The following PRORP variants were observed in gnomAD, a reference collection of about 807,000 sequenced individuals.
PRORP encodes protein only RNase P catalytic subunit.
A neutral mutation model predicts 59.4 loss-of-function variants in PRORP; 51 were observed. The observed-to-expected ratio is 0.86, with a 90% CI of 0.69 to 1.08. The LOEUF (loss-of-function observed/expected upper bound fraction) is 1.08, where lower values mean the gene tolerates loss of function less well. PRORP is among the 50% of genes least tolerant of loss of function. The probability of loss-of-function intolerance (pLI) is 0.00; values close to 1 mark genes in which losing one functional copy is unlikely to be tolerated. For synonymous variants in PRORP, 231 were observed against 245.6 expected, an observed-to-expected ratio of 0.94 and a Z score of 0.55; for missense variants, 646 against 690.3, an observed-to-expected ratio of 0.94 and a Z score of 0.72.
At chr14:35,189,361 T>C (rs1177190333) in intron 5 of PRORP, among the ~76,000 whole-genome samples, 1 of 151,840 alleles carries the variant, frequency 6.6e-6, no homozygotes, top group Non-Finnish European at 1.5e-5. Context: ...GTGTGAGCCA[T>C]GGTGCCCAGC....
At position 35,155,886 on chromosome 14, in the gene PRORP, G is replaced by A. The variant is rs866989633; in HGVS notation, c.1168-24784G>A. Among the ~76,000 whole-genome samples, 7 of 152,156 alleles carry A rather than the reference G, an allele frequency of 4.6e-5. No homozygotes were observed. The East Asian group carries it at 7.7e-4, about 17-fold the overall frequency. ...ACGTTTCTTTTTCCATTTTTGAAAC[G>A]CACAAGATAAAATTTCTTAATAGAG... On this transcript the variant is annotated intron_variant, in intron 4 of 7. Coordinates refer to ENST00000534898, the MANE Select transcript of PRORP (RefSeq NM_014672.4).
chr14:35,254,454 G>T (rs145942343), intron 5 of PRORP, among the ~76,000 whole-genome samples: 1 of 152,090 alleles, frequency 6.6e-6, no homozygotes, highest in African/African-American at 2.4e-5. Flanking sequence ...GTGCAATGAC[G>T]CAATCTCAGC....
At chr14:35,150,096 T>G in intron 4 of PRORP, among the ~76,000 whole-genome samples, 1 of 152,198 alleles carries the variant, frequency 6.6e-6, no homozygotes. Context: ...TCCGCCTGCC[T>G]CGGCCTCCCA....
At chr14:35,197,693 C>T (rs1266230333) in intron 5 of PRORP, among the ~76,000 whole-genome samples, 1 of 152,084 alleles carries the variant, frequency 6.6e-6, no homozygotes, top group Non-Finnish European at 1.5e-5. Context: ...ATTCACTCTG[C>T]CAACTCAAGT....
intron 5 of PRORP, among the ~76,000 whole-genome samples, chr14:35,218,258 G>A (rs906171087): frequency 3.8e-4 from 57 of 151,328 alleles, no homozygotes; most frequent in African/African-American, 1.4e-3. Flanking sequence ...CTAGGAGTTC[G>A]AGACCAGCCT....
intron 5 of PRORP, among the ~76,000 whole-genome samples, chr14:35,237,084 T>TTCTC (rs34987600): frequency 3.3e-4 from 45 of 138,134 alleles, no homozygotes; most frequent in Admixed American, 2.2e-3. Flanking sequence ...CCTTCCTTCC[T>TTCTC]TCTCTCTCTC....
intron 4 of PRORP, among the ~76,000 whole-genome samples, chr14:35,132,476 GA>G: frequency 6.7e-6 from 1 of 148,546 alleles, no homozygotes; most frequent in East Asian, 2.0e-4. Flanking sequence ...TAAAAAACAA[GA>G]AAAAAAAGAA....
At chr14:35,188,221 C>T (rs1487672672) in intron 5 of PRORP, among the ~76,000 whole-genome samples, 6 of 135,054 alleles carry the variant, frequency 4.4e-5, no homozygotes, top group East Asian at 4.5e-4. Flanking sequence ...GACAGAGTCT[C>T]GCTCTGTTGC....
chr14:35,153,163 G>A (rs143306409), intron 4 of PRORP, among the ~76,000 whole-genome samples: 1,967 of 152,352 alleles, frequency 0.013, 38 homozygotes, highest in African/African-American at 0.041. Context: ...CGAGGCTGGC[G>A]GATCACTCGC....
intron 4 of PRORP, among the ~76,000 whole-genome samples, chr14:35,168,470 G>A (rs1411090940): frequency 6.6e-6 from 1 of 152,032 alleles, no homozygotes; most frequent in African/African-American, 2.4e-5. Flanking sequence ...TTTGTCACTT[G>A]TCCCAATAAT....
intron 5 of PRORP, chr14:35,222,445 T>C (rs2049811544): frequency 6.6e-6 from 1 of 152,316 alleles, no homozygotes; most frequent in Non-Finnish European, 1.5e-5. Context: ...ACAATTACTT[T>C]AGGGAAGAGT....
Position 35,124,087 on chromosome 14 carries a change from C to CT in PRORP, c.845dup (p.Leu282PhefsTer6). On this transcript the variant is annotated frameshift_variant, in exon 2 of 8. Coordinates refer to ENST00000534898, the MANE Select transcript of PRORP (RefSeq NM_014672.4). LOFTEE classifies it high-confidence loss of function. Reference sequence around the variant, plus strand: ...CATGATATTGTTCCTATGTTGGAAACTTTAAAAGCTTTCTTTGATTTTGGA... The same window carrying CT: ...CATGATATTGTTCCTATGTTGGAAACTTTTAAAAGCTTTCTTTGATTTTGGA... 1 of 1,613,628 alleles carries CT rather than the reference C, an allele frequency of 6.2e-7. No homozygotes were observed. The highest frequency in any genetic ancestry group is 1.1e-5 in the South Asian group (1 of 91,020).
rs1234840874 is a variant in PRORP, at chr14:35,123,472, AGCAAGTTTATTCTGT to A, written c.228_242del (p.Lys76_Val81delinsAsn). The A allele has an allele frequency of 1.2e-6, 2 of 1,614,094 alleles. No homozygotes were observed. Among genetic ancestry groups the A allele is most frequent in the Non-Finnish European group, 1.7e-6 (2 of 1,180,058 alleles). ...CTCAGGAAAGATGAGGGCAGTAATAAGCAAGTTTATTCTGTTCCTCATTTTTTTTTAGCTGGAGCA... is the reference window on the plus strand; with the variant it reads ...CTCAGGAAAGATGAGGGCAGTAATAATCCTCATTTTTTTTTAGCTGGAGCA... On this transcript the variant is annotated inframe_deletion, in exon 2 of 8. Coordinates refer to ENST00000534898, the MANE Select transcript of PRORP (RefSeq NM_014672.4).
At chr14:35,122,544 G>A (rs1296285497), upstream of PRORP, 1 of 154,490 alleles carries the variant, frequency 6.5e-6, no homozygotes, top group African/African-American at 2.4e-5. Context: ...GTGCATCGTG[G>A]GCACTGTAGT....
chr14:35,245,381 G>A (rs1202426847), intron 5 of PRORP, among the ~76,000 whole-genome samples: 1 of 152,132 alleles, frequency 6.6e-6, no homozygotes, highest in Non-Finnish European at 1.5e-5. Context: ...AGTGGCTCAC[G>A]CCTCTAATAC....
chr14:35,202,848 G>A (rs1487750933), intron 5 of PRORP, among the ~76,000 whole-genome samples: 1 of 152,078 alleles, frequency 6.6e-6, no homozygotes, highest in Non-Finnish European at 1.5e-5. Flanking sequence ...TGCCCAGGCT[G>A]GTCTTGAACT....
Position 35,273,819 on chromosome 14 carries a change from C to T in PRORP, c.*253C>T. On this transcript the variant is annotated 3_prime_UTR_variant, in exon 8 of 8. Coordinates refer to ENST00000534898, the MANE Select transcript of PRORP (RefSeq NM_014672.4). Reference sequence around the variant, plus strand: ...TTAGTGTAGAGCAAAACCTGCATTTCTCCTACTGGGCCAGCTATTCCACTT... The same window carrying T: ...TTAGTGTAGAGCAAAACCTGCATTTTTCCTACTGGGCCAGCTATTCCACTT... The T allele has an allele frequency of 3.8e-6, 1 of 260,506 alleles. No homozygotes were observed. The highest frequency in any genetic ancestry group is 7.2e-6 in the Non-Finnish European group (1 of 138,212). The allele number at this position is 260,506 out of a possible 1,614,324, so 16.1% of individuals were successfully genotyped here.
At chr14:35,182,282 A>G (rs937907118) in intron 5 of PRORP, among the ~76,000 whole-genome samples, 1 of 152,162 alleles carries the variant, frequency 6.6e-6, no homozygotes, top group Non-Finnish European at 1.5e-5. Flanking sequence ...TAAAAAGTAA[A>G]TAAAATGTTT....
At chr14:35,234,937 G>T (rs1354192809) in intron 5 of PRORP, among the ~76,000 whole-genome samples, 1 of 151,724 alleles carries the variant, frequency 6.6e-6, no homozygotes, top group Non-Finnish European at 1.5e-5. Flanking sequence ...TCCCACCTTG[G>T]CCTCCCAAAG....
Sources: gnomAD v4.1 joint callset for allele counts (sites outside exome capture counted in the v4.1 genomes callset) on GRCh38, gnomAD v4.1.1 for gene constraint, MANE v1.5 for transcripts, NCBI Gene and HGNC (gene_info 2026-07-23, HGNC 2026-07-21) for gene names.